The following CASD1 variants were observed in gnomAD, a reference collection of about 807,000 sequenced individuals.
CASD1 encodes the protein N-acetylneuraminate (7)9-O-acetyltransferase.
A neutral mutation model predicts 100.0 loss-of-function variants in CASD1; 41 were observed. That is an observed-to-expected ratio of 0.41 (90% CI 0.32 to 0.53). The LOEUF (loss-of-function observed/expected upper bound fraction) is 0.53, where lower values mean the gene tolerates loss of function less well. CASD1 is among the 20% of genes least tolerant of loss of function. The pLI is 0.25. For synonymous variants in CASD1, 321 were observed against 315.6 expected (o/e 1.02, Z -0.18); for missense variants, 774 against 948.7 (o/e 0.82, Z 2.42).
chr7:94,559,264 C>T (rs1796297160), downstream of CASD1, among the ~76,000 whole-genome samples: 1 of 124,148 alleles, frequency 8.1e-6, no homozygotes, highest in African/African-American at 3.4e-5. Context: ...TACCCAAATT[C>T]TGTATATATG....
chr7:94,518,026 G>A (rs1794064572), intron 2 of CASD1, among the ~76,000 whole-genome samples, 177 bp from the exon 3 acceptor site: 1 of 152,152 alleles, frequency 6.6e-6, no homozygotes, highest in African/African-American at 2.4e-5. Flanking sequence ...ATTACAGAGA[G>A]TTAACTGATT....
chr7:94,603,377 C>A, the CASD1 span: 2 of 1,612,834 alleles, frequency 1.2e-6, no homozygotes, highest in South Asian at 2.2e-5. Flanking sequence ...GACTACATCT[C>A]AATTGATTCT....
intron 5 of CASD1, among the ~76,000 whole-genome samples, chr7:94,530,889 CA>C (rs1024568459): frequency 6.6e-6 from 1 of 152,004 alleles, no homozygotes; most frequent in African/African-American, 2.4e-5. Context: ...AAATCACATA[CA>C]GGGGAGGTAA....
rs115927204 is a variant in CASD1, at chr7:94,516,246, A to G, written c.134-1314A>G. 4.4e-3 allele frequency among the ~76,000 whole-genome samples: 677 copies of G among 152,278 alleles called. 5 individuals are homozygous for G. The highest frequency in any genetic ancestry group is 0.015 in the African/African-American group (642 of 41,568). On this transcript the variant is annotated intron_variant, in intron 1 of 17. Coordinates refer to ENST00000297273, the MANE Select transcript of CASD1 (RefSeq NM_022900.5). Reference sequence around the variant, plus strand: ...TTAACCAGTTTCCCATCAATAAGATAATGCAACATTTTAACTTTTCCTTCC... The same window carrying G: ...TTAACCAGTTTCCCATCAATAAGATGATGCAACATTTTAACTTTTCCTTCC...
chr7:94,572,183 C>G, the CASD1 span, among the ~76,000 whole-genome samples: 10 of 152,010 alleles, frequency 6.6e-5, no homozygotes, highest in African/African-American at 2.4e-4. Context: ...CTGGGACTCT[C>G]TAGATTTCCT....
At chr7:94,604,120 A>G in the CASD1 span, among the ~76,000 whole-genome samples, 2 of 152,260 alleles carry the variant, frequency 1.3e-5, no homozygotes, top group Non-Finnish European at 2.9e-5. Flanking sequence ...TTATGGGGAA[A>G]GATCTCTACT....
At chr7:94,627,215 T>TTTGGAGAAAAA in the CASD1 span, 4 of 152,020 alleles carry the variant, frequency 2.6e-5, no homozygotes, top group African/African-American at 9.7e-5. Flanking sequence ...TGACTAAAAC[T>TTTGGAGAAAAA]TTGGAGAAAA....
chr7:94,568,930 C>T, the CASD1 span, among the ~76,000 whole-genome samples: 1 of 152,286 alleles, frequency 6.6e-6, no homozygotes, highest in East Asian at 1.9e-4. Flanking sequence ...AAATAAATTT[C>T]TGTTGTTCAT....
At chr7:94,565,114 C>T in the CASD1 span, among the ~76,000 whole-genome samples, 4 of 152,066 alleles carry the variant, frequency 2.6e-5, no homozygotes, top group African/African-American at 9.7e-5. Context: ...TCTATGTATA[C>T]TACTCCTTCC....
intron 15 of CASD1, chr7:94,551,797 A>G (rs1182960571): frequency 1.9e-5 from 3 of 155,284 alleles, no homozygotes; most frequent in African/African-American, 7.2e-5. Context: ...ATCTATAAAA[A>G]TAGTTTCAAT....
At position 94,527,145 on chromosome 7, in the gene CASD1, G is replaced by T. The variant is rs200502220; in HGVS notation, c.352-17G>T. 5 of 1,593,840 alleles carry T rather than the reference G, an allele frequency of 3.1e-6. No individual in the cohort carries two copies. The highest frequency in any genetic ancestry group is 1.7e-4 in the Middle Eastern group (1 of 5,746). On this transcript the variant is annotated splice_polypyrimidine_tract_variant and intron_variant, in intron 3 of 17. Transcript: ENST00000297273. ...TTAATCTATACATTAATATTTCTCT[G>T]TCTCCTTTTATGGCAGCATGAAAAC...
At chr7:94,543,411 T>G (rs921829599) in intron 10 of CASD1, among the ~76,000 whole-genome samples, 1 of 152,162 alleles carries the variant, frequency 6.6e-6, no homozygotes, top group Admixed American at 6.5e-5. Context: ...CTCAGCACTT[T>G]GGGAGGCCGA....
chr7:94,521,023 T>G (rs1233675666), intron 3 of CASD1, among the ~76,000 whole-genome samples: 1 of 151,640 alleles, frequency 6.6e-6, no homozygotes, highest in Non-Finnish European at 1.5e-5. Context: ...ACCCAGGAGG[T>G]GGAGGTTGCA....
At chr7:94,576,184 G>A in the CASD1 span, among the ~76,000 whole-genome samples, 528 of 151,902 alleles carry the variant, frequency 3.5e-3, 3 homozygotes, top group African/African-American at 0.011. Flanking sequence ...TTCTTTTTTC[G>A]TTTTATTCCT....
chr7:94,602,350 G>C, the CASD1 span, among the ~76,000 whole-genome samples: 3 of 152,094 alleles, frequency 2.0e-5, no homozygotes, highest in African/African-American at 7.2e-5. Flanking sequence ...AGAGTTCAAG[G>C]CAAAAGGCCA....
At chr7:94,601,881 A>G in the CASD1 span, among the ~76,000 whole-genome samples, 1 of 151,934 alleles carries the variant, frequency 6.6e-6, no homozygotes, top group African/African-American at 2.4e-5. Context: ...TTTCTTTTAT[A>G]TTTTATTTAT....
At chr7:94,542,779 A>G (rs992057772) in intron 10 of CASD1, among the ~76,000 whole-genome samples, 1 of 152,204 alleles carries the variant, frequency 6.6e-6, no homozygotes, top group Non-Finnish European at 1.5e-5. Context: ...GGAATGAGGT[A>G]AGGGCACAGA....
chr7:94,581,753 AT>A, the CASD1 span, among the ~76,000 whole-genome samples: 1 of 152,030 alleles, frequency 6.6e-6, no homozygotes, highest in African/African-American at 2.4e-5. Context: ...TATGTACCAC[AT>A]TTTCTTTATG....
intron 13 of CASD1, 133 bp downstream of exon 13, chr7:94,547,308 A>G: frequency 1.8e-6 from 1 of 564,308 alleles, no homozygotes; most frequent in Non-Finnish European, 3.0e-6. Flanking sequence ...TGTCACTCTG[A>G]AGCTGAGTAC....
Sources: gnomAD v4.1 joint callset for allele counts (sites outside exome capture counted in the v4.1 genomes callset) on GRCh38, gnomAD v4.1.1 for gene constraint, MANE v1.5 for transcripts, NCBI Gene and HGNC (gene_info 2026-07-23, HGNC 2026-07-21) for gene names.